SORCS3: variants seen among roughly 807,000 people sequenced by gnomAD.
SORCS3 encodes the protein VPS10 domain-containing receptor SorCS3.
In SORCS3, 57 loss-of-function variants were observed where a neutral mutation model predicts 146.3. The ratio of observed to expected loss-of-function variants is 0.39; its 90% CI spans 0.31 to 0.49. The LOEUF is 0.49. Ranked by LOEUF, SORCS3 falls within the 20% of genes least tolerant of loss-of-function variation. The pLI is 0.92. For missense variants in SORCS3, 1,341 were observed against 1,575.5 expected (o/e 0.85, Z 2.52); for synonymous variants, 653 against 618.5 (o/e 1.06, Z -0.83).
chr10:104,874,502 A>T (rs898125333), intron 2 of SORCS3, among the ~76,000 whole-genome samples: 1 of 152,138 alleles, frequency 6.6e-6, no homozygotes, highest in South Asian at 2.1e-4. Context: ...TGATGTTTGT[A>T]TACTGACTAG....
chr10:104,931,838 G>A (rs576050749), intron 3 of SORCS3, among the ~76,000 whole-genome samples: 1 of 152,216 alleles, frequency 6.6e-6, no homozygotes, highest in Non-Finnish European at 1.5e-5. Context: ...AAGAAGGACA[G>A]TCACAAAAGA....
chr10:104,961,673 T>A (rs1013288173), intron 3 of SORCS3, among the ~76,000 whole-genome samples: 1 of 152,224 alleles, frequency 6.6e-6, no homozygotes, highest in Non-Finnish European at 1.5e-5. Flanking sequence ...AATTACTGCA[T>A]ATGCAACTGG....
At chr10:105,216,158 G>A (rs1046942389) in intron 18 of SORCS3, among the ~76,000 whole-genome samples, 1 of 152,114 alleles carries the variant, frequency 6.6e-6, no homozygotes, top group African/African-American at 2.4e-5. Context: ...AATCTGAAAA[G>A]GCTTCAGGGA....
In SORCS3 at chr10:105,160,614, G is replaced by A. The variant is rs570423429; in HGVS notation, c.1732+1620G>A. 2.0e-5 allele frequency among the ~76,000 whole-genome samples: 3 copies of A among 152,260 alleles called. No homozygotes were observed. The East Asian group carries it at 5.8e-4, about 29-fold the overall frequency. ...TGCACTCCAGCCTGGGTGACACAGTGAGACTCTGGCTCAATAAATAATAAA... is the reference window on the plus strand; with the variant it reads ...TGCACTCCAGCCTGGGTGACACAGTAAGACTCTGGCTCAATAAATAATAAA... On this transcript the variant is annotated intron_variant, in intron 11 of 26. Coordinates refer to ENST00000369701, the MANE Select transcript of SORCS3 (RefSeq NM_014978.3).
At position 105,147,712 on chromosome 10, in the gene SORCS3, G is replaced by C; in HGVS notation, c.1398G>C (p.Thr466=). 6 of 1,613,068 alleles carry C rather than the reference G, an allele frequency of 3.7e-6. No homozygotes were observed. Among genetic ancestry groups the C allele is most frequent in the Non-Finnish European group, 5.1e-6 (6 of 1,179,318 alleles). ...NDTYNLYISD[T]RGIYFTLAME... ...CGTACAACCTCTACATCTCAGACAC[G>C]CGTGGGATTTACTTCACTCTGGCCA... The change falls in exon 9 of 27, where the codon ACG becomes ACC. Residue 466 remains threonine (T), a synonymous_variant. Coordinates refer to ENST00000369701, the MANE Select transcript of SORCS3 (RefSeq NM_014978.3).
chr10:104,740,620 T>C (rs1474553382), intron 1 of SORCS3, among the ~76,000 whole-genome samples: 2 of 152,236 alleles, frequency 1.3e-5, no homozygotes, highest in African/African-American at 2.4e-5. Context: ...GGATTCCAGC[T>C]TCAGGGTGTC....
intron 1 of SORCS3, among the ~76,000 whole-genome samples, chr10:104,718,985 G>C (rs1281438828): frequency 6.6e-6 from 1 of 151,936 alleles, no homozygotes; most frequent in Non-Finnish European, 1.5e-5. Context: ...TCATAGCCAA[G>C]TTAAAAAAGG....
At chr10:104,958,567 C>T (rs2054769809) in intron 3 of SORCS3, among the ~76,000 whole-genome samples, 1 of 152,050 alleles carries the variant, frequency 6.6e-6, no homozygotes, top group East Asian at 1.9e-4. Context: ...TGTGGTATGA[C>T]AAAGGCTGGA....
intron 17 of SORCS3, among the ~76,000 whole-genome samples, chr10:105,213,312 G>T (rs1052070633): frequency 2.6e-5 from 4 of 152,156 alleles, no homozygotes; most frequent in African/African-American, 9.7e-5. Context: ...AAAATGTCAG[G>T]TATGATGGAA....
At chr10:104,839,621 G>A (rs7911222) in intron 1 of SORCS3, among the ~76,000 whole-genome samples, 102,030 of 152,020 alleles carry the variant, frequency 0.67, 35,088 homozygotes, top group East Asian at 0.96. Context: ...ATCCATTGGC[G>A]GAGGAAGCCA....
At chr10:105,242,286 TTA>T (rs978008157) in intron 20 of SORCS3, among the ~76,000 whole-genome samples, 25 of 136,672 alleles carry the variant, frequency 1.8e-4, no homozygotes, top group African/African-American at 4.6e-4. Flanking sequence ...ATACATATGT[TTA>T]TATATATATT....
intron 5 of SORCS3, among the ~76,000 whole-genome samples, chr10:105,088,032 A>T (rs999892499): frequency 6.6e-6 from 1 of 152,186 alleles, no homozygotes; most frequent in Non-Finnish European, 1.5e-5. Flanking sequence ...CAGTGATACT[A>T]GGGAAGGAAG....
intron 8 of SORCS3, among the ~76,000 whole-genome samples, chr10:105,142,598 C>A (rs569066629): frequency 6.6e-6 from 1 of 152,138 alleles, no homozygotes; most frequent in South Asian, 2.1e-4. Context: ...GAACAGCCCC[C>A]CTTAACAGCC....
chr10:104,641,818 C>T lies in SORCS3; in HGVS notation c.491C>T (p.Ser164Phe), dbSNP rs780644787. The T allele has an allele frequency of 1.3e-6, 2 of 1,556,222 alleles. No individual in the cohort carries two copies. Among genetic ancestry groups the T allele is most frequent in the South Asian group, 1.2e-5 (1 of 84,428 alleles). ...SRGSRPLAKG[S>F]REEVKAPRAG... is the part of the protein sequence containing the mutation. Reference sequence around the variant, plus strand: ...GGAAGCCGTCCCCTTGCTAAGGGTTCCCGGGAGGAGGTGAAGGCGCCGCGG... The same window carrying T: ...GGAAGCCGTCCCCTTGCTAAGGGTTTCCGGGAGGAGGTGAAGGCGCCGCGG... Residue 164 changes from serine (S) to phenylalanine (F), a missense_variant, in exon 1 of 27, where the codon TCC becomes TTC. Coordinates refer to ENST00000369701, the MANE Select transcript of SORCS3 (RefSeq NM_014978.3). This position sits in a 1 kb window ranked among gnomAD's most constrained non-coding sequence, Gnocchi z 6.4.
chr10:104,989,213 A>G (rs1167393671), intron 4 of SORCS3, among the ~76,000 whole-genome samples: 1 of 152,242 alleles, frequency 6.6e-6, no homozygotes, highest in Admixed American at 6.5e-5. Context: ...GGTAATTTTT[A>G]TAAAATCAAA....
intron 5 of SORCS3, among the ~76,000 whole-genome samples, chr10:105,053,882 A>T (rs1255635625): frequency 6.6e-6 from 1 of 152,006 alleles, no homozygotes; most frequent in East Asian, 1.9e-4. Context: ...GATTATTATG[A>T]TTTTTTTAGG....
chr10:104,991,553 G>A (rs564551906), intron 4 of SORCS3, among the ~76,000 whole-genome samples: 154 of 149,280 alleles, frequency 1.0e-3, no homozygotes, highest in Middle Eastern at 3.4e-3. Flanking sequence ...CCAGGCTGGA[G>A]TGCAGTGGTG....
chr10:105,237,792 A>G (rs1232332746), intron 20 of SORCS3, among the ~76,000 whole-genome samples: 1 of 152,220 alleles, frequency 6.6e-6, no homozygotes, highest in African/African-American at 2.4e-5. Context: ...TATTGTTATC[A>G]GAACATCACT....
chr10:105,125,257 A>G (rs1258209694), intron 7 of SORCS3, among the ~76,000 whole-genome samples: 1 of 152,182 alleles, frequency 6.6e-6, no homozygotes, highest in African/African-American at 2.4e-5. Context: ...TTTCTTTATT[A>G]TTGAATAACC....
Sources: gnomAD v4.1 joint callset for allele counts (sites outside exome capture counted in the v4.1 genomes callset) on GRCh38, gnomAD v4.1.1 for gene constraint, Gnocchi (gnomAD v3.1) non-coding constraint, MANE v1.5 for transcripts, NCBI Gene and HGNC (gene_info 2026-07-23, HGNC 2026-07-21) for gene names.